Variants in OPRM1 observed in about 807,000 individuals in gnomAD.
OPRM1 encodes the protein mu-type opioid receptor.
In OPRM1, 27 loss-of-function variants were observed where a neutral mutation model predicts 31.8. The observed-to-expected ratio is 0.85, with a 90% CI of 0.63 to 1.17. The LOEUF (loss-of-function observed/expected upper bound fraction) is 1.17, where lower values mean the gene tolerates loss of function less well. OPRM1 is among the 50% of genes most tolerant of loss of function. The pLI is 0.00. For synonymous variants in OPRM1, 196 were observed against 189.9 expected (o/e 1.03, Z -0.26); for missense variants, 536 against 511.1 (o/e 1.05, Z -0.47).
chr6:154,245,286 G>GAA (rs1780936480), intron 3 of OPRM1, among the ~76,000 whole-genome samples: 1 of 52,970 alleles, frequency 1.9e-5, no homozygotes, highest in South Asian at 3.5e-4. Flanking sequence ...CCAAATGCTT[G>GAA]GAAAAAAAAA....
intron 1 of OPRM1, among the ~76,000 whole-genome samples, chr6:154,029,859 T>C (rs1246238502): frequency 3.3e-5 from 5 of 152,208 alleles, no homozygotes; most frequent in Non-Finnish European, 5.9e-5. Flanking sequence ...GCCGCTGCCA[T>C]GTGAAGAAGG....
At chr6:154,090,307 A>C in intron 2 of OPRM1, 129 bp downstream of exon 2, 1 of 652,954 alleles carries the variant, frequency 1.5e-6, no homozygotes, top group Non-Finnish European at 2.6e-6. Flanking sequence ...TATTCTTCCT[A>C]GCAAAAAAAG....
At chr6:154,173,005 C>T (rs536766894) in intron 3 of OPRM1, among the ~76,000 whole-genome samples, 1 of 152,364 alleles carries the variant, frequency 6.6e-6, no homozygotes, top group Non-Finnish European at 1.5e-5. Context: ...GCAGCCTCCG[C>T]TGGTGATACC....
chr6:154,091,192 G>A lies in OPRM1; in HGVS notation c.884G>A (p.Trp295Ter). The change falls in exon 3 of 4, where the codon TGG (tryptophan) becomes TAG (stop). Residue 295 changes from tryptophan (W) to a stop codon, truncating the protein, a stop_gained. Coordinates refer to ENST00000330432, the MANE Select transcript of OPRM1 (RefSeq NM_000914.5). LOFTEE classifies it high-confidence loss of function. Reference protein sequence around the residue: ...LVVVAVFIVCWTPIHIYVIIK... With the variant: ...LVVVAVFIVC ...GTGGTGGCTGTGTTCATCGTCTGCTGGACTCCCATTCACATTTACGTCATC... is the reference window on the plus strand; with the variant it reads ...GTGGTGGCTGTGTTCATCGTCTGCTAGACTCCCATTCACATTTACGTCATC... 6.2e-7 allele frequency: 1 copy of A among 1,614,110 alleles called. No homozygotes were observed. The highest frequency in any genetic ancestry group is 8.5e-7 in the Non-Finnish European group (1 of 1,180,024).
At chr6:154,151,192 T>A (rs4870268) in intron 3 of OPRM1, among the ~76,000 whole-genome samples, 1 of 152,064 alleles carries the variant, frequency 6.6e-6, no homozygotes, top group Non-Finnish European at 1.5e-5. Context: ...TTTCCAGTAC[T>A]AACCGCCTTA....
At position 154,047,048 on chromosome 6, in the gene OPRM1, A is replaced by T. The variant is rs1781248902; in HGVS notation, c.290+7214A>T. On this transcript the variant is annotated intron_variant, in intron 1 of 3. Transcript: ENST00000330432. ...AAGAGTGAGTGTGCTCTGAACTGCC[A>T]GGTGTGGTGTTTATGATTAGGACAA... is the stretch of plus-strand genomic sequence containing the variant. 3.3e-5 allele frequency among the ~76,000 whole-genome samples: 5 copies of T among 152,262 alleles called. No individual in the cohort carries two copies. The South Asian group carries it at 8.3e-4, about 25-fold the overall frequency.
chr6:154,185,087 T>C (rs1393989091), intron 3 of OPRM1, among the ~76,000 whole-genome samples: 1 of 152,172 alleles, frequency 6.6e-6, no homozygotes, highest in African/African-American at 2.4e-5. Flanking sequence ...GTCCTTCAAG[T>C]TAAAAAATAT....
intron 3 of OPRM1, among the ~76,000 whole-genome samples, chr6:154,117,678 A>T (rs531573171): frequency 6.6e-6 from 1 of 152,284 alleles, no homozygotes; most frequent in East Asian, 1.9e-4. Flanking sequence ...TACAGAAATG[A>T]TCAGAGTCAG....
At chr6:154,026,061 TG>T (rs2128384827) in intron 1 of OPRM1, among the ~76,000 whole-genome samples, 1 of 152,296 alleles carries the variant, frequency 6.6e-6, no homozygotes, top group East Asian at 1.9e-4. Flanking sequence ...GATTTCTTTT[TG>T]TTCATTAATG....
chr6:154,091,687 A>C (rs1792275791), intron 3 of OPRM1: 1 of 1,315,374 alleles, frequency 7.6e-7, no homozygotes, highest in Non-Finnish European at 9.6e-7. Context: ...AGATACACCA[A>C]TGAGAAATCC....
At chr6:154,142,743 T>C (rs1039118998) in intron 3 of OPRM1, among the ~76,000 whole-genome samples, 5 of 152,228 alleles carry the variant, frequency 3.3e-5, no homozygotes, top group Admixed American at 2.0e-4. Flanking sequence ...TTCTGACTTA[T>C]GCCCCTCAGT....
At chr6:154,228,449 T>C (rs1779444502) in intron 3 of OPRM1, among the ~76,000 whole-genome samples, 1 of 152,192 alleles carries the variant, frequency 6.6e-6, no homozygotes, top group Non-Finnish European at 1.5e-5. Flanking sequence ...TTTCCAAATC[T>C]AGTCTTAAAT....
chr6:154,052,093 T>C (rs920436089), intron 1 of OPRM1, among the ~76,000 whole-genome samples: 3 of 151,928 alleles, frequency 2.0e-5, no homozygotes, highest in Non-Finnish European at 4.4e-5. Flanking sequence ...AACCAAACAC[T>C]GCATGTTCTC....
intron 3 of OPRM1, chr6:154,159,660 C>A (rs898209990): frequency 4.8e-6 from 3 of 628,234 alleles, no homozygotes; most frequent in Admixed American, 3.1e-5. Context: ...AAATGAGGAG[C>A]CCTGGTGTAT....
intron 3 of OPRM1, among the ~76,000 whole-genome samples, chr6:154,204,882 C>T (rs769223126): frequency 6.6e-6 from 1 of 152,174 alleles, no homozygotes; most frequent in Non-Finnish European, 1.5e-5. Flanking sequence ...CACATGAACC[C>T]CTAAGGACTC....
At chr6:154,012,001 C>A (rs2128374841) in intron 1 of OPRM1, among the ~76,000 whole-genome samples, 1 of 152,224 alleles carries the variant, frequency 6.6e-6, no homozygotes, top group South Asian at 2.1e-4. Context: ...AATGTAAAAA[C>A]TGAAATATCT....
rs1797550203 is a variant in OPRM1 at position 154,125,739 on chromosome 6, C to A, written c.*7018C>A. Among the ~76,000 whole-genome samples the A allele has an allele frequency of 6.6e-6, 1 of 151,790 alleles. No individual in the cohort carries two copies. Among genetic ancestry groups the A allele is most frequent in the African/African-American group, 2.4e-5 (1 of 41,232 alleles). On this transcript the variant is annotated 3_prime_UTR_variant, in exon 4 of 4. Coordinates refer to ENST00000330432, the MANE Select transcript of OPRM1 (RefSeq NM_000914.5). ...CTCTTAAACTTACGCTCTTTCGCTT[C>A]AAATGCATAAATGTTTTATTTAAGT...
intron 3 of OPRM1, among the ~76,000 whole-genome samples, chr6:154,161,667 T>C (rs1799029154): frequency 6.6e-6 from 1 of 152,212 alleles, no homozygotes; most frequent in Admixed American, 6.5e-5. Context: ...GAGGTACATT[T>C]AGGTATTTAC....
At chr6:154,243,499 A>G (rs1013411707) in intron 3 of OPRM1, among the ~76,000 whole-genome samples, 1 of 152,232 alleles carries the variant, frequency 6.6e-6, no homozygotes, top group African/African-American at 2.4e-5. Flanking sequence ...CTGGGTAGCA[A>G]TAGCATAAAA....
Sources: gnomAD v4.1 joint callset for allele counts (sites outside exome capture counted in the v4.1 genomes callset) on GRCh38, gnomAD v4.1.1 for gene constraint, MANE v1.5 for transcripts, NCBI Gene and HGNC (gene_info 2026-07-23, HGNC 2026-07-21) for gene names.